Variants in PCDHA3 observed in about 807,000 individuals in gnomAD.
PCDHA3 encodes the protein protocadherin alpha 3.
In PCDHA3, 41 loss-of-function variants were observed where a neutral mutation model predicts 62.2. The observed-to-expected ratio is 0.66, with a 90% CI of 0.51 to 0.86. The LOEUF (loss-of-function observed/expected upper bound fraction) is 0.86. PCDHA3 is among the 40% of genes least tolerant of loss of function. The pLI, the probability that PCDHA3 is intolerant of heterozygous loss-of-function variation, is 0.00. For missense variants in PCDHA3, 1,304 were observed against 1,241.2 expected, an observed-to-expected ratio of 1.05 and a Z score of -0.76; for synonymous variants, 640 against 555.4, an observed-to-expected ratio of 1.15 and a Z score of -2.14.
In PCDHA3 at chr5:140,936,286, A is replaced by G. The variant is rs73266055; in HGVS notation, c.2395-42663A>G. Among the ~76,000 whole-genome samples the G allele has an allele frequency of 3.3e-3, 501 of 152,358 alleles. 2 individuals are homozygous for G. The highest frequency in any genetic ancestry group is 0.012 in the African/African-American group (482 of 41,580). On this transcript the variant is annotated intron_variant, in intron 1 of 3. Transcript: ENST00000522353. ...AAGATATATTCCTGTGTTTTCTTCT[A>G]TAACATTGCTATCCAATAGAACTTT...
At position 140,808,864 on chromosome 5, in the gene PCDHA3, C is replaced by T. The variant is rs1764284394; in HGVS notation, c.2394+5273C>T. The T allele has an allele frequency of 4.3e-6, 7 of 1,613,020 alleles. No individual in the cohort carries two copies. The East Asian group carries it at 1.1e-4, about 26-fold the overall frequency. On this transcript the variant is annotated intron_variant, in intron 1 of 3. Coordinates refer to ENST00000522353, the MANE Select transcript of PCDHA3 (RefSeq NM_018906.3). ...TGCAGGTGTTCGTGCTGGACGAAAA[C>T]GACAACGCGCCAGCACTGCTAGCGC...
At chr5:140,861,404 G>A in intron 1 of PCDHA3, 2 of 468,962 alleles carry the variant, frequency 4.3e-6, no homozygotes, top group East Asian at 5.7e-5. Flanking sequence ...AGCTTGTGGA[G>A]CTGATACCGC....
chr5:140,876,469 C>T, intron 1 of PCDHA3: 1 of 1,613,956 alleles, frequency 6.2e-7, no homozygotes. Context: ...CATGGCAGGT[C>T]ACAGCATGGT....
In PCDHA3 at chr5:140,856,743, T is replaced by C. The variant is rs17844341; in HGVS notation, c.2394+53152T>C. On this transcript the variant is annotated intron_variant, in intron 1 of 3. Transcript: ENST00000522353. Reference sequence around the variant, plus strand: ...TCTGTTTCTCTGCTGATCCTGGTGTTAGATGCCAATGATAACGCCCCTATC... The same window carrying C: ...TCTGTTTCTCTGCTGATCCTGGTGTCAGATGCCAATGATAACGCCCCTATC... 190 of 1,596,776 alleles carry C rather than the reference T, an allele frequency of 1.2e-4. 4 individuals are homozygous for C. In the East Asian group the frequency reaches 4.1e-3, roughly 35 times the overall value.
intron 1 of PCDHA3, chr5:140,808,194 T>A: frequency 6.2e-7 from 1 of 1,614,158 alleles, no homozygotes. Flanking sequence ...CATTGTAGAG[T>A]TATTGTGGAA....
At chr5:140,842,965 C>G in intron 1 of PCDHA3, 2 of 1,594,984 alleles carry the variant, frequency 1.3e-6, no homozygotes, top group Non-Finnish European at 1.7e-6. Flanking sequence ...TGGGCAGCAA[C>G]GTGACGCTGC....
intron 1 of PCDHA3, chr5:140,850,381 G>C (rs2041568642): frequency 2.5e-6 from 4 of 1,597,894 alleles, no homozygotes; most frequent in Non-Finnish European, 3.4e-6. Flanking sequence ...CTGTACACGG[G>C]CGAGATCAGC....
chr5:140,829,028 G>A, intron 1 of PCDHA3: 1 of 1,613,544 alleles, frequency 6.2e-7, no homozygotes, highest in East Asian at 2.2e-5. Flanking sequence ...TTTTGAACAA[G>A]AAAACTTATA....
chr5:140,966,732 G>T (rs2153748727), intron 1 of PCDHA3: 1 of 1,415,600 alleles, frequency 7.1e-7, no homozygotes, highest in African/African-American at 1.5e-5. Context: ...GCCGCCTCCG[G>T]CCCTGCCCGG....
chr5:140,895,603 T>C (rs2065070404), intron 1 of PCDHA3, among the ~76,000 whole-genome samples: 1 of 152,156 alleles, frequency 6.6e-6, no homozygotes, highest in African/African-American at 2.4e-5. Context: ...TTTGCAAAGA[T>C]TTTCTCATTG....
At chr5:140,876,752 C>A (rs374137138) in intron 1 of PCDHA3, 2 of 1,614,194 alleles carry the variant, frequency 1.2e-6, no homozygotes, top group Non-Finnish European at 1.7e-6. Context: ...GTGGTGACTG[C>A]GCGGGATGGG....
chr5:140,869,363 A>G lies in PCDHA3; in HGVS notation c.2394+65772A>G, dbSNP rs1201912812. The G allele has an allele frequency of 9.3e-6, 15 of 1,614,010 alleles. No individual in the cohort carries two copies. In the Admixed American group the frequency reaches 2.5e-4, roughly 27 times the overall value. ...CTGCAGAATGGCATTTTGTTTGTGA[A>G]TTCTCGGATCGACCGCGAGGAGCTG... On this transcript the variant is annotated intron_variant, in intron 1 of 3. Coordinates refer to ENST00000522353, the MANE Select transcript of PCDHA3 (RefSeq NM_018906.3).
At chr5:140,928,844 C>A (rs782361945) in intron 1 of PCDHA3, 9 of 1,614,168 alleles carry the variant, frequency 5.6e-6, no homozygotes, top group Non-Finnish European at 7.6e-6. Context: ...TCCTCTGTCA[C>A]TCTGGGTGTG....
intron 1 of PCDHA3, chr5:140,813,143 CTGTT>C (rs1198590971): frequency 6.6e-6 from 1 of 152,150 alleles, no homozygotes; most frequent in East Asian, 1.9e-4. Flanking sequence ...CTGTATATGT[CTGTT>C]AGTTCCATTT....
intron 1 of PCDHA3, among the ~76,000 whole-genome samples, chr5:140,962,118 C>T (rs561645739): frequency 1.3e-5 from 2 of 152,210 alleles, no homozygotes; most frequent in East Asian, 1.9e-4. Context: ...ATCTCCTAAC[C>T]TTGGCCTCGG....
At chr5:140,990,084 C>T (rs31873) in intron 3 of PCDHA3, among the ~76,000 whole-genome samples, 3,615 of 152,028 alleles carry the variant, frequency 0.024, 147 homozygotes, top group African/African-American at 0.081. Flanking sequence ...ACAAAGGATG[C>T]TTGTGCTACT....
chr5:140,871,445 A>C, intron 1 of PCDHA3: 1 of 1,609,986 alleles, frequency 6.2e-7, no homozygotes, highest in Non-Finnish European at 8.5e-7. Flanking sequence ...GGTCTGAATA[A>C]AGAGGAGGAA....
At chr5:140,829,727 G>A (rs2150173512) in intron 1 of PCDHA3, 12 of 1,613,462 alleles carry the variant, frequency 7.4e-6, no homozygotes, top group East Asian at 4.5e-5. Flanking sequence ...GCCGCCTCTG[G>A]GCAGCAACGT....
intron 3 of PCDHA3, among the ~76,000 whole-genome samples, chr5:140,998,883 GAATA>G (rs782239555): frequency 6.6e-5 from 10 of 152,274 alleles, no homozygotes; most frequent in East Asian, 1.9e-4. Flanking sequence ...AAGTTTAGTT[GAATA>G]AATAACAATG....
Sources: gnomAD v4.1 joint callset for allele counts (sites outside exome capture counted in the v4.1 genomes callset) on GRCh38, gnomAD v4.1.1 for gene constraint, MANE v1.5 for transcripts, NCBI Gene and HGNC (gene_info 2026-07-23, HGNC 2026-07-21) for gene names.